The following BBOF1 variants were observed in gnomAD, a reference collection of about 807,000 sequenced individuals.
The protein encoded by BBOF1 is basal body orientation factor 1.
A neutral mutation model predicts 68.0 loss-of-function variants in BBOF1; 62 were observed. That is an observed-to-expected ratio of 0.91 (90% CI 0.74 to 1.13). The LOEUF (loss-of-function observed/expected upper bound fraction) is 1.13. Among genes scored for constraint, BBOF1 ranks in the 50% most tolerant of loss-of-function variants. The pLI is 0.00. For missense variants in BBOF1, 534 were observed against 600.1 expected, an observed-to-expected ratio of 0.89 and a Z score of 1.15; for synonymous variants, 208 against 198.8, an observed-to-expected ratio of 1.05 and a Z score of -0.39.
At chr14:74,027,930 A>G (rs1046603859) in intron 2 of BBOF1, among the ~76,000 whole-genome samples, 7 of 152,332 alleles carry the variant, frequency 4.6e-5, no homozygotes, top group African/African-American at 7.2e-5. Flanking sequence ...AAAATAAAAA[A>G]TTGCAATAAA....
rs77324906 is a variant in BBOF1, at chr14:74,060,148, T to A, written c.1578+2890T>A. 0.069 allele frequency: 10,827 copies of A among 157,454 alleles called. 576 individuals carry two copies. The highest frequency in any genetic ancestry group is 0.25 in the South Asian group (1,350 of 5,366). 9.8% of individuals were successfully genotyped at this position (157,454 alleles called of 1,614,324 possible). ...TTATTGGAACATCTTCTTTAAAAAA[T>A]TTTTTTTCCCTTTTCTTTTTTTACT... On this transcript the variant is annotated intron_variant, in intron 11 of 11. Transcript: ENST00000394009.
chr14:74,073,967 G>GAAAAAAAAA (rs2060582440), intron 9 of BBOF1, among the ~76,000 whole-genome samples: 1 of 144,488 alleles, frequency 6.9e-6, no homozygotes. Flanking sequence ...ATTTTTTTCT[G>GAAAAAAAAA]AGATATAGCT....
intron 1 of BBOF1, 80 bp downstream of exon 1, chr14:74,019,614 C>T: frequency 6.5e-7 from 1 of 1,535,392 alleles, no homozygotes; most frequent in Non-Finnish European, 8.8e-7. Context: ...CCTGGCGCCC[C>T]CCGCGCCGGC....
chr14:74,040,158 A>G (rs1370247883), intron 4 of BBOF1, among the ~76,000 whole-genome samples: 1 of 151,906 alleles, frequency 6.6e-6, no homozygotes, highest in East Asian at 1.9e-4. Context: ...ACACTCAGCT[A>G]ATTTTTGTAT....
chr14:74,024,492 GTC>G (rs564415156), intron 2 of BBOF1, among the ~76,000 whole-genome samples: 1 of 152,158 alleles, frequency 6.6e-6, no homozygotes, highest in South Asian at 2.1e-4. Context: ...TTGAGACAGG[GTC>G]TCTCTCTATT....
intron 5 of BBOF1, among the ~76,000 whole-genome samples, chr14:74,043,378 G>C (rs1361277170): frequency 6.7e-6 from 1 of 148,708 alleles, no homozygotes; most frequent in African/African-American, 2.5e-5. Flanking sequence ...GTGAAACCCC[G>C]TCTCTACTAA....
intron 1 of BBOF1, among the ~76,000 whole-genome samples, chr14:74,020,525 C>A (rs756066975): frequency 6.6e-6 from 1 of 151,282 alleles, no homozygotes; most frequent in Non-Finnish European, 1.5e-5. Context: ...TTTCTTGACA[C>A]CAAGTTTTGC....
At chr14:74,044,972 A>C (rs1231404087) in intron 5 of BBOF1, among the ~76,000 whole-genome samples, 1 of 152,026 alleles carries the variant, frequency 6.6e-6, no homozygotes, top group Admixed American at 6.6e-5. Context: ...CCTGAGCTCC[A>C]GTCATCCCGC....
intron 3 of BBOF1, among the ~76,000 whole-genome samples, chr14:74,033,163 C>T (rs535306102): frequency 5.5e-4 from 83 of 152,242 alleles, no homozygotes; most frequent in African/African-American, 1.8e-3. Flanking sequence ...TTCTCATATC[C>T]CTTTTTAGTA....
At chr14:74,072,533 T>C (rs1375477868) in intron 9 of BBOF1, 2 of 1,614,076 alleles carry the variant, frequency 1.2e-6, no homozygotes, top group African/African-American at 2.7e-5. Flanking sequence ...GCAGCTTCGC[T>C]TACTGGGTTG....
intron 9 of BBOF1, chr14:74,071,328 G>A (rs1566832998): frequency 5.0e-6 from 8 of 1,614,162 alleles, no homozygotes; most frequent in Non-Finnish European, 5.9e-6. Flanking sequence ...CACACACCAT[G>A]GCCATGGGAA....
At chr14:74,038,809 G>A (rs1304037943) in intron 4 of BBOF1, among the ~76,000 whole-genome samples, 1 of 151,972 alleles carries the variant, frequency 6.6e-6, no homozygotes, top group Admixed American at 6.6e-5. Flanking sequence ...TTCAAGACCA[G>A]CCTAGGCAAC....
chr14:74,031,564 A>G (rs539684444), intron 3 of BBOF1, among the ~76,000 whole-genome samples: 1 of 152,260 alleles, frequency 6.6e-6, no homozygotes, highest in African/African-American at 2.4e-5. Flanking sequence ...TCTGGAGGCT[A>G]GAAGGTCAGG....
chr14:74,050,933 A>T (rs979772612), intron 8 of BBOF1, among the ~76,000 whole-genome samples: 3 of 152,104 alleles, frequency 2.0e-5, no homozygotes, highest in Admixed American at 1.3e-4. Flanking sequence ...ACATGGTGAA[A>T]CCCTGTCCCA....
At chr14:74,066,368 C>T (rs2060465138), downstream of BBOF1, among the ~76,000 whole-genome samples, 1 of 152,068 alleles carries the variant, frequency 6.6e-6, no homozygotes, top group African/African-American at 2.4e-5. Context: ...TATCAGTGTC[C>T]ATAAATAACA....
intron 7 of BBOF1, among the ~76,000 whole-genome samples, chr14:74,049,276 A>C (rs573744820): frequency 2.6e-5 from 4 of 151,964 alleles, no homozygotes; most frequent in Non-Finnish European, 5.9e-5. Flanking sequence ...GATGTTTGTT[A>C]CTCTCTATAT....
At chr14:74,073,743 C>T (rs776838999) in intron 9 of BBOF1, among the ~76,000 whole-genome samples, 25 of 151,646 alleles carry the variant, frequency 1.6e-4, no homozygotes, top group Non-Finnish European at 3.2e-4. Flanking sequence ...CATGGTGAAA[C>T]CTTGTCTCTA....
exon 13 of BBOF1, chr14:74,082,827 T>C (rs1458778610): frequency 3.3e-5 from 5 of 152,194 alleles, no homozygotes; most frequent in African/African-American, 1.2e-4. Flanking sequence ...AGAAAATACA[T>C]AGTGTCTGTT....
intron 1 of BBOF1, among the ~76,000 whole-genome samples, chr14:74,022,195 G>A (rs2059317600): frequency 6.6e-6 from 1 of 151,766 alleles, no homozygotes; most frequent in South Asian, 2.1e-4. Context: ...CAACATAGTG[G>A]GACCCCATCT....
Sources: gnomAD v4.1 joint callset for allele counts (sites outside exome capture counted in the v4.1 genomes callset) on GRCh38, gnomAD v4.1.1 for gene constraint, MANE v1.5 for transcripts, NCBI Gene and HGNC (gene_info 2026-07-23, HGNC 2026-07-21) for gene names.